LPIN1: variants seen among roughly 807,000 people sequenced by gnomAD.
LPIN1 encodes the protein lipin 1, also known as phosphatidate phosphatase LPIN1.
LPIN1 carries 71 observed loss-of-function variants against 107.5 expected under a neutral mutation model. That is an observed-to-expected ratio of 0.66 (90% CI 0.55 to 0.80). The LOEUF is 0.80. Among genes scored for constraint, LPIN1 ranks in the 30% least tolerant of loss-of-function variants. The probability of loss-of-function intolerance (pLI) is 0.00; values close to 1 mark genes in which losing one functional copy is unlikely to be tolerated. For synonymous variants in LPIN1, 445 were observed against 452.6 expected (o/e 0.98, Z 0.21); for missense variants, 1,043 against 1,160.6 (o/e 0.90, Z 1.47).
intron 1 of LPIN1, among the ~76,000 whole-genome samples, chr2:11,734,838 G>A (rs2148550358): frequency 6.6e-6 from 1 of 152,278 alleles, no homozygotes; most frequent in South Asian, 2.1e-4. Flanking sequence ...GAGAAGCGGG[G>A]GGAAGGCAGT....
intron 14 of LPIN1, among the ~76,000 whole-genome samples, chr2:11,799,728 G>T (rs942464989): frequency 6.6e-6 from 1 of 151,974 alleles, no homozygotes; most frequent in Admixed American, 6.5e-5. Flanking sequence ...GGTCTCTCTA[G>T]CCTGTTACCT....
At chr2:11,715,529 T>A (rs886485641) in intron 2 of LPIN1, among the ~76,000 whole-genome samples, 2 of 152,234 alleles carry the variant, frequency 1.3e-5, no homozygotes, top group African/African-American at 4.8e-5. Flanking sequence ...GTTACCTGAC[T>A]TCTCTGAGTT....
chr2:11,795,592 T>G, intron 14 of LPIN1, 105 bp downstream of exon 14: 1 of 1,057,890 alleles, frequency 9.5e-7, no homozygotes, highest in African/African-American at 1.6e-5. Context: ...GTTCCAACTC[T>G]GGCTCTGTGA....
chr2:11,699,643 C>T (rs962689819), intron 1 of LPIN1, among the ~76,000 whole-genome samples: 16 of 152,222 alleles, frequency 1.1e-4, no homozygotes, highest in East Asian at 1.9e-4. Flanking sequence ...TGTGCAGTCA[C>T]GCCAGCCACT....
chr2:11,688,171 A>G (rs956125354), intron 1 of LPIN1, among the ~76,000 whole-genome samples: 2 of 152,192 alleles, frequency 1.3e-5, no homozygotes, highest in African/African-American at 4.8e-5. Flanking sequence ...CTGTCTATAA[A>G]TGGAATAAGA....
intron 6 of LPIN1, chr2:11,777,625 C>T (rs1672875348): frequency 6.6e-6 from 1 of 152,310 alleles, no homozygotes; most frequent in African/African-American, 2.4e-5. Context: ...TGGCTGCTTT[C>T]ACACCACCAC....
intron 1 of LPIN1, among the ~76,000 whole-genome samples, chr2:11,712,636 G>A (rs898930981): frequency 5.3e-5 from 8 of 152,196 alleles, no homozygotes; most frequent in African/African-American, 1.9e-4. Flanking sequence ...AGCTAAGTGG[G>A]TCAGATGAAT....
In LPIN1 at chr2:11,824,881, G is replaced by C; in HGVS notation, c.*90G>C. On this transcript the variant is annotated 3_prime_UTR_variant, in exon 21 of 21. Coordinates refer to ENST00000674199, the MANE Select transcript of LPIN1 (RefSeq NM_001349206.2). ...TCCCCGGAGTGCACAGCTCCACCTGGGAGCCTGGCGCGTCATCATTGGCCT... is the reference window on the plus strand; with the variant it reads ...TCCCCGGAGTGCACAGCTCCACCTGCGAGCCTGGCGCGTCATCATTGGCCT... 6.9e-7 allele frequency: 1 copy of C among 1,454,198 alleles called. No homozygotes were observed. The highest frequency in any genetic ancestry group is 1.4e-5 in the African/African-American group (1 of 71,876). The allele number at this position is 1,454,198 out of a possible 1,614,324, so 90.1% of individuals were successfully genotyped here.
chr2:11,815,267 A>G (rs1438695198), intron 18 of LPIN1, 27 bp downstream of exon 18: 4 of 1,613,080 alleles, frequency 2.5e-6, no homozygotes, highest in Non-Finnish European at 3.4e-6. Context: ...CTGCACCTCC[A>G]TCTGTGAGCC....
intron 17 of LPIN1, among the ~76,000 whole-genome samples, chr2:11,806,586 T>C (rs1276756504): frequency 1.3e-5 from 2 of 152,128 alleles, no homozygotes. Context: ...AAAATAAGTA[T>C]GTACATTAAA....
At chr2:11,815,390 A>G in intron 18 of LPIN1, 150 bp downstream of exon 18, 1 of 1,009,424 alleles carries the variant, frequency 9.9e-7, no homozygotes, top group Non-Finnish European at 1.5e-6. Flanking sequence ...CATTCCAAAC[A>G]CAGGTCTACA....
chr2:11,796,218 C>A (rs1415650556), intron 14 of LPIN1, among the ~76,000 whole-genome samples: 1 of 152,162 alleles, frequency 6.6e-6, no homozygotes, highest in African/African-American at 2.4e-5. Context: ...TAATTGGGGC[C>A]AGATCCACAT....
At position 11,820,557 on chromosome 2, in the gene LPIN1, A is replaced by G. The variant is rs149506576; in HGVS notation, c.2621+43A>G. The G allele has an allele frequency of 2.2e-4, 306 of 1,409,766 alleles. No individual in the cohort carries two copies. The African/African-American group carries it at 3.9e-3, about 18-fold the overall frequency. The allele number at this position is 1,409,766 out of a possible 1,614,324, so 87.3% of individuals were successfully genotyped here. A position where few individuals can be genotyped will look rare whatever the true frequency, so the allele number is the denominator to read the frequency against. On this transcript the variant is annotated intron_variant, in intron 20 of 20. Coordinates refer to ENST00000674199, the MANE Select transcript of LPIN1 (RefSeq NM_001349206.2). ...TTTATGTGATTATGATATCAGTACT[A>G]TTATCTTAAAACGGTGCTTCCCAGT...
At chr2:11,724,328 G>A, upstream of LPIN1, 1 of 985,574 alleles carries the variant, frequency 1.0e-6, no homozygotes, top group Non-Finnish European at 1.2e-6. Context: ...TCCCAGGAGA[G>A]CCCATGCGCA....
chr2:11,683,588 A>G (rs1661841226), intron 1 of LPIN1, among the ~76,000 whole-genome samples: 1 of 152,176 alleles, frequency 6.6e-6, no homozygotes, highest in Admixed American at 6.5e-5. Flanking sequence ...TACTCTGGGA[A>G]GTAACGGGTC....
intron 1 of LPIN1, among the ~76,000 whole-genome samples, chr2:11,725,346 G>A (rs1664527779): frequency 6.6e-6 from 1 of 152,246 alleles, no homozygotes; most frequent in Non-Finnish European, 1.5e-5. Context: ...AGCCTGTGAT[G>A]TTGAGAGTAT....
At chr2:11,780,128 G>C (rs546355666) in intron 7 of LPIN1, among the ~76,000 whole-genome samples, 5 of 152,316 alleles carry the variant, frequency 3.3e-5, no homozygotes, top group African/African-American at 9.6e-5. Context: ...TGACCCGCCT[G>C]CCTCTGCCTC....
chr2:11,795,488 G>A lies in LPIN1; in HGVS notation c.1886+1G>A. The A allele has an allele frequency of 6.2e-7, 1 of 1,614,038 alleles. No individual in the cohort carries two copies. The highest frequency in any genetic ancestry group is 8.5e-7 in the Non-Finnish European group (1 of 1,179,928). ...CGCCGCAGCTCAGCTTGGCCACCAG[G>A]TGCGGTAGGAGGCTTCTTGGGATGT... On this transcript the variant is annotated splice_donor_variant, in intron 14 of 20. Transcript: ENST00000674199. LOFTEE classifies it high-confidence loss of function.
At position 11,713,804 on chromosome 2, in the gene LPIN1, A is replaced by G. The variant is rs993285294; in HGVS notation, c.130A>G (p.Asn44Asp). The change falls in exon 2 of 22, where the codon AAC becomes GAC. Residue 44 changes from asparagine to aspartate, a missense_variant. Asn to Asp is a conservative substitution (Grantham distance 23). Coordinates refer to the LPIN1 transcript ENST00000449576. ...GTGGATTCGAAATGTATGGTCTTCA[A>G]ACATTAACGTGAGTGCCGCTGTGAT... 3.3e-6 allele frequency: 5 copies of G among 1,521,900 alleles called. No individual in the cohort carries two copies. In the African/African-American group the frequency reaches 6.9e-5, roughly 21 times the overall value. The allele number at this position is 1,521,900 out of a possible 1,614,324, so 94.3% of individuals were successfully genotyped here.
Sources: gnomAD v4.1 joint callset for allele counts (sites outside exome capture counted in the v4.1 genomes callset) on GRCh38, gnomAD v4.1.1 for gene constraint, MANE v1.5 for transcripts, NCBI Gene and HGNC (gene_info 2026-07-23, HGNC 2026-07-21) for gene names.